The following CRACD variants were observed in gnomAD, a reference collection of about 807,000 sequenced individuals.
CRACD encodes capping protein inhibiting regulator of actin dynamics.
In CRACD, 56 loss-of-function variants were observed where a neutral mutation model predicts 106.8. The ratio of observed to expected loss-of-function variants is 0.52; its 90% CI spans 0.42 to 0.66. The LOEUF is 0.66. Among genes scored for constraint, CRACD ranks in the 30% least tolerant of loss-of-function variants. The pLI is 0.00. For missense variants in CRACD, 1,730 were observed against 1,623.2 expected (o/e 1.07, Z -1.13); for synonymous variants, 754 against 670.8 (o/e 1.12, Z -1.92).
intron 2 of CRACD, among the ~76,000 whole-genome samples, chr4:56,191,500 A>G (rs998149955): frequency 9.9e-5 from 15 of 151,282 alleles, no homozygotes; most frequent in Admixed American, 1.3e-4. Context: ...CCTCCCTCTT[A>G]TAAAGACCCT....
At chr4:56,103,097 C>T (rs1287858631) in intron 1 of CRACD, among the ~76,000 whole-genome samples, 1 of 152,142 alleles carries the variant, frequency 6.6e-6, no homozygotes, top group Non-Finnish European at 1.5e-5. Flanking sequence ...TAGTAGTGTG[C>T]CTGAACTCAA....
At chr4:56,220,676 T>C (rs1419959705) in intron 2 of CRACD, among the ~76,000 whole-genome samples, 1 of 151,692 alleles carries the variant, frequency 6.6e-6, no homozygotes, top group East Asian at 1.9e-4. Context: ...GGGGAAGGGG[T>C]TGGGTTGACC....
chr4:56,084,686 CCCTTT>C (rs1733155787), intron 1 of CRACD, among the ~76,000 whole-genome samples: 2 of 152,082 alleles, frequency 1.3e-5, no homozygotes, highest in African/African-American at 4.8e-5. Context: ...ATTATCACTG[CCCTTT>C]CCTAGTAATT....
intron 10 of CRACD, among the ~76,000 whole-genome samples, chr4:56,324,864 GTTT>G (rs1407801069): frequency 6.6e-6 from 1 of 152,112 alleles, no homozygotes; most frequent in Non-Finnish European, 1.5e-5. Flanking sequence ...TCAGGCTCCT[GTTT>G]CCTTCAAAAC....
chr4:56,189,219 A>G (rs1231124425), intron 2 of CRACD, among the ~76,000 whole-genome samples: 1 of 151,542 alleles, frequency 6.6e-6, no homozygotes, highest in Non-Finnish European at 1.5e-5. Context: ...TTGGACACTC[A>G]GCTGTGATTC....
intron 1 of CRACD, among the ~76,000 whole-genome samples, chr4:56,161,855 C>A (rs923535909): frequency 5.3e-5 from 8 of 151,842 alleles, no homozygotes; most frequent in Non-Finnish European, 8.8e-5. Flanking sequence ...CCTCTGCCTC[C>A]TGGGTTTAAG....
At chr4:56,169,394 G>A (rs1472015243) in intron 1 of CRACD, among the ~76,000 whole-genome samples, 2 of 152,148 alleles carry the variant, frequency 1.3e-5, no homozygotes, top group Non-Finnish European at 2.9e-5. Context: ...CTCTCAAAAG[G>A]AAAGGCTCCT....
chr4:56,227,755 G>C lies in CRACD; in HGVS notation c.-188-44566G>C, dbSNP rs938491302. On this transcript the variant is annotated intron_variant, in intron 2 of 10. Coordinates refer to ENST00000682029, the MANE Select transcript of CRACD (RefSeq NM_001393381.1). ...CACACTTTGATTTAGAGAATCACCT[G>C]GGTTTTTGAAATGAGTGCTCTTTCT... 3.3e-5 allele frequency among the ~76,000 whole-genome samples: 5 copies of C among 152,138 alleles called. No individual in the cohort carries two copies. In the South Asian group the frequency reaches 1.0e-3, roughly 32 times the overall value.
chr4:56,207,886 G>A (rs1738210215), intron 2 of CRACD, among the ~76,000 whole-genome samples: 1 of 150,044 alleles, frequency 6.7e-6, no homozygotes, highest in African/African-American at 2.5e-5. Flanking sequence ...GAGTGACACT[G>A]TCTTGGCTCA....
chr4:56,324,277 G>C lies in CRACD; in HGVS notation c.3541+11G>C, dbSNP rs1219160052. On this transcript the variant is annotated intron_variant, in intron 10 of 10. Coordinates refer to ENST00000682029, the MANE Select transcript of CRACD (RefSeq NM_001393381.1). Reference sequence around the variant, plus strand: ...CTACGTCTGTGACAGGTAGAGAGCAGGTCCATTGCTTTGTAACTGTAGTTC... The same window carrying C: ...CTACGTCTGTGACAGGTAGAGAGCACGTCCATTGCTTTGTAACTGTAGTTC... The C allele has an allele frequency of 5.6e-6, 9 of 1,606,718 alleles. No individual in the cohort carries two copies. Among genetic ancestry groups the C allele is most frequent in the Non-Finnish European group, 6.8e-6 (8 of 1,175,896 alleles).
chr4:56,139,387 GTCTTTTTCATTGCTACTTGGGAAA>G (rs1457903631), intron 1 of CRACD, among the ~76,000 whole-genome samples: 2 of 151,306 alleles, frequency 1.3e-5, no homozygotes, highest in African/African-American at 2.4e-5. Flanking sequence ...TCAATCTTCT[GTCTTTTTCATTGCTACTTGGGAAA>G]CAGCCTTGTT....
intron 4 of CRACD, among the ~76,000 whole-genome samples, chr4:56,300,386 T>G (rs1358917769): frequency 6.6e-6 from 1 of 152,088 alleles, no homozygotes; most frequent in African/African-American, 2.4e-5. Flanking sequence ...CCCAGACATG[T>G]CCTTCAAATC....
rs76561402 is a variant in CRACD at position 56,180,621 on chromosome 4, G to A, written c.-189+1191G>A. ...GTGGGAAGAGATGGAAGTTAAATATGAGATCAAAGGAAATAAAATAACAAC... is the reference window on the plus strand; with the variant it reads ...GTGGGAAGAGATGGAAGTTAAATATAAGATCAAAGGAAATAAAATAACAAC... On this transcript the variant is annotated intron_variant, in intron 2 of 10. Transcript: ENST00000682029. Among the ~76,000 whole-genome samples, 584 of 152,264 alleles carry A rather than the reference G, an allele frequency of 3.8e-3. 6 individuals are homozygous for A. Among genetic ancestry groups the A allele is most frequent in the African/African-American group, 0.013 (550 of 41,550 alleles).
chr4:56,243,488 C>A lies in CRACD; in HGVS notation c.-188-28833C>A, dbSNP rs1577793039. ...GTATTTTGGAGCCTCTTTTTTGTAG[C>A]AACTTAGTCTATAAACAAATACACT... On this transcript the variant is annotated intron_variant, in intron 2 of 10. Transcript: ENST00000682029. Among the ~76,000 whole-genome samples the A allele has an allele frequency of 4.6e-5, 7 of 152,262 alleles. No individual in the cohort carries two copies. The South Asian group carries it at 1.5e-3, about 32-fold the overall frequency.
intron 3 of CRACD, among the ~76,000 whole-genome samples, chr4:56,297,083 C>A (rs1279634835): frequency 6.6e-6 from 1 of 152,080 alleles, no homozygotes; most frequent in Non-Finnish European, 1.5e-5. Flanking sequence ...TCATGCCCGG[C>A]TAATTTTTTT....
chr4:56,198,026 G>T (rs182506441), intron 2 of CRACD, among the ~76,000 whole-genome samples: 10 of 152,020 alleles, frequency 6.6e-5, no homozygotes, highest in Admixed American at 3.3e-4. Context: ...TCTTGATTCT[G>T]TGACTTCTTC....
chr4:56,083,749 G>T (rs1733118256), intron 1 of CRACD, among the ~76,000 whole-genome samples: 2 of 152,102 alleles, frequency 1.3e-5, no homozygotes, highest in African/African-American at 4.8e-5. Context: ...GTTGAGGCAG[G>T]TAGATCACTT....
chr4:56,232,315 T>G (rs556187045), intron 2 of CRACD, among the ~76,000 whole-genome samples: 1 of 152,346 alleles, frequency 6.6e-6, no homozygotes, highest in South Asian at 2.1e-4. Flanking sequence ...TGCTCTAACA[T>G]TCCTTTTTAT....
intron 1 of CRACD, among the ~76,000 whole-genome samples, chr4:56,122,405 A>T (rs2109855405): frequency 6.6e-6 from 1 of 152,274 alleles, no homozygotes; most frequent in East Asian, 1.9e-4. Flanking sequence ...TGCAAAAATT[A>T]AAACCTCCAA....
Sources: gnomAD v4.1 joint callset for allele counts (sites outside exome capture counted in the v4.1 genomes callset) on GRCh38, gnomAD v4.1.1 for gene constraint, MANE v1.5 for transcripts, NCBI Gene and HGNC (gene_info 2026-07-23, HGNC 2026-07-21) for gene names.